Variants in SHPRH observed in about 807,000 individuals in gnomAD.
SHPRH encodes SNF2 histone linker PHD RING helicase, also known as E3 ubiquitin-protein ligase SHPRH.
Under a neutral mutation model 202.5 loss-of-function variants are expected in SHPRH, and 106 were observed. The observed-to-expected ratio is 0.52, with a 90% confidence interval of 0.45 to 0.62. The LOEUF is 0.62. Among genes scored for constraint, SHPRH ranks in the 20% least tolerant of loss-of-function variants. SHPRH has a pLI of 0.00. For missense variants in SHPRH, 1,710 were observed against 2,020.0 expected (o/e 0.85, Z 2.94); for synonymous variants, 729 against 686.0 (o/e 1.06, Z -0.98).
At chr6:145,919,583 T>A in intron 21 of SHPRH, 92 bp from the exon 22 acceptor site, 1 of 1,446,004 alleles carries the variant, frequency 6.9e-7, no homozygotes, top group Non-Finnish European at 9.3e-7. Flanking sequence ...AAGTCTTCAA[T>A]GAGATCTTAC....
chr6:145,946,210 C>T lies in SHPRH; in HGVS notation c.1321+23G>A, dbSNP rs1275616120. The T allele has an allele frequency of 1.9e-6, 3 of 1,560,138 alleles. No individual in the cohort carries two copies. In the South Asian group the frequency reaches 3.4e-5, roughly 18 times the overall value. Reference sequence around the variant, plus strand: ...CAAAGATCACTATAAGAAGGTATTTCCTTTAAGAGATGTCTTACTTACGAG... The same window carrying T: ...CAAAGATCACTATAAGAAGGTATTTTCTTTAAGAGATGTCTTACTTACGAG... On this transcript the variant is annotated intron_variant, in intron 7 of 29. Coordinates refer to ENST00000275233, the MANE Select transcript of SHPRH (RefSeq NM_001042683.3).
chr6:145,912,083 G>C (rs73580180), intron 24 of SHPRH, among the ~76,000 whole-genome samples: 1 of 151,160 alleles, frequency 6.6e-6, no homozygotes, highest in Non-Finnish European at 1.5e-5. Flanking sequence ...ATGTGCAATG[G>C]AGAAGAAGCA....
intron 25 of SHPRH, among the ~76,000 whole-genome samples, chr6:145,898,740 T>A (rs951492850): frequency 6.6e-6 from 1 of 152,142 alleles, no homozygotes; most frequent in Non-Finnish European, 1.5e-5. Context: ...CATGTTATCA[T>A]GCAACAAGGA....
At chr6:145,890,859 C>T (rs551986685) in intron 28 of SHPRH, among the ~76,000 whole-genome samples, 55 of 152,224 alleles carry the variant, frequency 3.6e-4, no homozygotes, top group African/African-American at 1.2e-3. Context: ...TCTCATACCC[C>T]ATGTCTAGTC....
intron 16 of SHPRH, 44 bp downstream of exon 16, chr6:145,926,160 T>C (rs1784860667): frequency 4.6e-6 from 7 of 1,532,242 alleles, no homozygotes; most frequent in Non-Finnish European, 6.3e-6. Flanking sequence ...GCATAAAGTT[T>C]GAAGAAAATA....
chr6:145,915,860 TTAAGA>T (rs1423815358), intron 23 of SHPRH, among the ~76,000 whole-genome samples: 11 of 152,204 alleles, frequency 7.2e-5, no homozygotes, highest in African/African-American at 2.6e-4. Context: ...TCTTGAATCT[TTAAGA>T]TATTTGTCAT....
chr6:145,914,121 T>C (rs1783735990), intron 23 of SHPRH, among the ~76,000 whole-genome samples: 1 of 152,134 alleles, frequency 6.6e-6, no homozygotes, highest in Non-Finnish European at 1.5e-5. Context: ...AACAAACATA[T>C]GATTCCCAAG....
intron 14 of SHPRH, among the ~76,000 whole-genome samples, 170 bp downstream of exon 14, chr6:145,932,887 T>A (rs1385589248): frequency 6.6e-6 from 1 of 152,164 alleles, no homozygotes; most frequent in Non-Finnish European, 1.5e-5. Flanking sequence ...AAACGTTCTA[T>A]GAAACTGCTC....
At chr6:145,869,855 AATT>A (rs1779976684) in intron 2 of SHPRH, among the ~76,000 whole-genome samples, 1 of 150,678 alleles carries the variant, frequency 6.6e-6, no homozygotes, top group Non-Finnish European at 1.5e-5. Flanking sequence ...TAAACTTTAA[AATT>A]AGTTTGTTCA....
At chr6:145,898,858 T>C (rs1380723197) in intron 25 of SHPRH, among the ~76,000 whole-genome samples, 2 of 152,104 alleles carry the variant, frequency 1.3e-5, no homozygotes, top group African/African-American at 2.4e-5. Flanking sequence ...GTCGCCCTAG[T>C]TGGAGTGCAG....
intron 2 of SHPRH, chr6:145,877,680 G>C (rs1269470425): frequency 2.0e-5 from 3 of 152,116 alleles, no homozygotes; most frequent in African/African-American, 7.2e-5. Context: ...CATCCTTTTA[G>C]ATTTGATAAG....
At chr6:145,879,910 C>CAAAAAAAA (rs67055862), downstream of SHPRH, among the ~76,000 whole-genome samples, 11 of 61,080 alleles carry the variant, frequency 1.8e-4, no homozygotes, top group East Asian at 4.9e-4. Flanking sequence ...AACTCAATCT[C>CAAAAAAAA]AAAAAAAAAA....
downstream of SHPRH, among the ~76,000 whole-genome samples, chr6:145,882,683 G>A (rs1429722454): frequency 5.9e-5 from 9 of 152,212 alleles, no homozygotes; most frequent in Admixed American, 5.9e-4. Flanking sequence ...GGAGATAGCA[G>A]TTGTTTGATT....
chr6:145,922,507 T>A (rs538824813), intron 19 of SHPRH, among the ~76,000 whole-genome samples, 156 bp downstream of exon 19: 1 of 152,106 alleles, frequency 6.6e-6, no homozygotes, highest in African/African-American at 2.4e-5. Flanking sequence ...TCCTTGAGAC[T>A]TTATTTTTCT....
At chr6:145,921,499 A>G in intron 20 of SHPRH, 107 bp from the exon 21 acceptor site, 1 of 1,137,784 alleles carries the variant, frequency 8.8e-7, no homozygotes, top group Non-Finnish European at 1.2e-6. Flanking sequence ...GGAAAAACCA[A>G]AGCAACCTTG....
intron 22 of SHPRH, 185 bp from the exon 23 acceptor site, chr6:145,918,417 G>C (rs1168959087): frequency 3.5e-6 from 1 of 287,014 alleles, no homozygotes; most frequent in Admixed American, 6.7e-5. Flanking sequence ...TTTTTTTTTT[G>C]CTTTATGAAA....
At position 145,950,418 on chromosome 6, in the gene SHPRH, C is replaced by T; in HGVS notation, c.828G>A (p.Leu276=). 3 of 1,613,260 alleles carry T rather than the reference C, an allele frequency of 1.9e-6. No homozygotes were observed. The highest frequency in any genetic ancestry group is 1.7e-6 in the Non-Finnish European group (2 of 1,179,428). Reference sequence around the variant, plus strand: ...GATGTGTTTGTTTCACAAAGTGATACAGCTCGTCAATGTCTTGTCCCTCTG... The same window carrying T: ...GATGTGTTTGTTTCACAAAGTGATATAGCTCGTCAATGTCTTGTCCCTCTG... ...SEPEGQDIDE[L]YHFVKQTHQQ... The change falls in exon 4 of 30, where the codon CTG becomes CTA. Residue 276 remains leucine, a synonymous_variant. Transcript: ENST00000275233.
chr6:145,942,343 T>A (rs1483137754), intron 9 of SHPRH, among the ~76,000 whole-genome samples: 1 of 152,216 alleles, frequency 6.6e-6, no homozygotes, highest in African/African-American at 2.4e-5. Context: ...ACTTCAACAA[T>A]AATTCTGTTG....
chr6:145,943,651 C>T lies in SHPRH; in HGVS notation c.1730G>A (p.Arg577Lys), dbSNP rs762599539. The change falls in exon 9 of 30, where the codon AGG becomes AAG. Residue 577 changes from arginine to lysine, a missense_variant. Arg to Lys is a conservative substitution (Grantham distance 26). This residue lies in a region of SHPRH where 348 missense variants were observed against 356.9 expected (regional missense o/e 0.97). Coordinates refer to ENST00000275233, the MANE Select transcript of SHPRH (RefSeq NM_001042683.3). The part of the protein sequence containing the change: ...YKSRRNRSKL[R>K]KKLVPSTKKG... ...TTTTGTGGATGGAACAAGCTTTTTC[C>T]TCAATTTACTGCGATTTCTCCTGGA... is the stretch of plus-strand genomic sequence containing the variant. The T allele has an allele frequency of 3.1e-6, 5 of 1,613,550 alleles. No individual in the cohort carries two copies. The Admixed American group carries it at 5.0e-5, about 16-fold the overall frequency.
Sources: allele counts gnomAD v4.1 joint callset (sites outside exome capture counted in the v4.1 genomes callset), GRCh38; gene constraint gnomAD v4.1.1; regional missense constraint gnomAD v4.1.1; transcripts MANE v1.5; gene names NCBI Gene and HGNC (gene_info 2026-07-23, HGNC 2026-07-21).